The following RND3 variants were observed in gnomAD, a reference collection of about 807,000 sequenced individuals.
The protein encoded by RND3 is rho-related GTP-binding protein RhoE.
In RND3, 8 loss-of-function variants were observed where a neutral mutation model predicts 26.5. The ratio of observed to expected loss-of-function variants is 0.30; its 90% confidence interval spans 0.18 to 0.54. The LOEUF is 0.54. Ranked by LOEUF, RND3 falls within the 20% of genes least tolerant of loss-of-function variation. RND3 has a pLI of 0.94. For synonymous variants in RND3, 113 were observed against 113.0 expected, an observed-to-expected ratio of 1.00 and a Z score of 0.00; for missense variants, 207 against 302.8, an observed-to-expected ratio of 0.68 and a Z score of 2.35.
intron 3 of RND3, among the ~76,000 whole-genome samples, chr2:150,477,754 G>A (rs1016508897): frequency 1.3e-5 from 2 of 152,044 alleles, no homozygotes; most frequent in African/African-American, 2.4e-5. Flanking sequence ...GTTTTTATCC[G>A]GTTAACAGTA....
chr2:150,484,586 C>T (rs544836578), intron 3 of RND3, among the ~76,000 whole-genome samples: 1 of 152,286 alleles, frequency 6.6e-6, no homozygotes, highest in East Asian at 1.9e-4. Context: ...GCTGTGAAAA[C>T]CCCAGCACGG....
At chr2:150,475,005 A>C in intron 3 of RND3, 21 bp from the exon 4 acceptor site, 4 of 1,491,228 alleles carry the variant, frequency 2.7e-6, no homozygotes, top group Non-Finnish European at 2.8e-6. Flanking sequence ...ACAAAGACAC[A>C]CAAATTTTCA....
Position 150,486,122 on chromosome 2 carries a change from G to T in RND3, c.238+572C>A, listed in dbSNP as rs1686355986. Among the ~76,000 whole-genome samples the T allele has an allele frequency of 6.6e-6, 1 of 151,950 alleles. No homozygotes were observed. Among genetic ancestry groups the T allele is most frequent in the Non-Finnish European group, 1.5e-5 (1 of 67,980 alleles). The stretch of plus-strand genomic sequence containing the variant: ...AGCGCGAAGAGGAGGTTCAGCTGCT[G>T]CCCGGCCCCTGCGCCACCAGCGCAT... On this transcript the variant is annotated intron_variant, in intron 3 of 5. Transcript: ENST00000263895. The surrounding 1 kb of genome is among the most constrained non-coding windows in gnomAD (Gnocchi z 4.5).
intron 3 of RND3, among the ~76,000 whole-genome samples, chr2:150,480,686 A>T (rs974121045): frequency 2.0e-5 from 3 of 152,112 alleles, no homozygotes; most frequent in Admixed American, 2.0e-4. Context: ...ACAGATGTAG[A>T]CTTAGAAAGA....
At position 150,471,651 on chromosome 2, in the gene RND3, C is replaced by A. The variant is rs779437802; in HGVS notation, c.459G>T (p.Arg153Ser). The change falls in exon 5 of 6, where the codon AGG becomes AGT. Residue 153 changes from arginine to serine, a missense_variant. Physicochemically the swap from Arg to Ser is moderately radical, Grantham distance 110. Transcript: ENST00000263895. ...CCTGGTCATAGGACACTGGCGTCTG[C>A]CTGTGATTGGAGAGCTCTACTAATG... ...VSTLVELSNH[R>S]QTPVSYDQGA... The A allele has an allele frequency of 1.2e-6, 2 of 1,612,408 alleles. No homozygotes were observed. Among genetic ancestry groups the A allele is most frequent in the South Asian group, 1.1e-5 (1 of 90,520 alleles).
At chr2:150,471,943 A>G (rs1429264563) in intron 4 of RND3, 182 bp from the exon 5 acceptor site, 4 of 573,892 alleles carry the variant, frequency 7.0e-6, no homozygotes, top group Non-Finnish European at 9.2e-6. Flanking sequence ...AAGTTTTACT[A>G]CTTTTTAAGC....
rs939309594 is a variant in RND3, at chr2:150,487,655, C to G, written c.-145G>C. 2.6e-5 allele frequency: 4 copies of G among 154,496 alleles called. No individual in the cohort carries two copies. Among genetic ancestry groups the G allele is most frequent in the African/African-American group, 9.6e-5 (4 of 41,460 alleles). 9.6% of individuals were successfully genotyped at this position (154,496 alleles called of 1,614,324 possible). A position where few individuals can be genotyped will look rare whatever the true frequency, so the allele number is the denominator to read the frequency against. On this transcript the variant is annotated 5_prime_UTR_variant, in exon 1 of 6. Transcript: ENST00000263895. ...CTCACCGCGCCTCCCAAGTCCAATT[C>G]CGAGCCGACTGCTTTGTTTCACGCT...
At chr2:150,485,211 C>G (rs978888028) in intron 3 of RND3, 1 of 152,288 alleles carries the variant, frequency 6.6e-6, no homozygotes, top group African/African-American at 2.4e-5. Flanking sequence ...CAAAATCAGC[C>G]CTTCTCACTG....
intron 3 of RND3, among the ~76,000 whole-genome samples, chr2:150,475,431 G>C (rs1486210152): frequency 1.3e-5 from 2 of 152,194 alleles, no homozygotes; most frequent in African/African-American, 4.8e-5. Context: ...CCCAGGCAGG[G>C]CCTGGCTTTT....
rs1176091268 is a variant in RND3, at chr2:150,469,976, T to C, written c.*11A>G. Reference sequence around the variant, plus strand: ...TAGATTCCTTTGTCTTCATTAAAGATAATGAAAGATTCACATCACAGTGCA... The same window carrying C: ...TAGATTCCTTTGTCTTCATTAAAGACAATGAAAGATTCACATCACAGTGCA... On this transcript the variant is annotated 3_prime_UTR_variant, in exon 6 of 6. Coordinates refer to ENST00000263895, the MANE Select transcript of RND3 (RefSeq NM_005168.5). The C allele has an allele frequency of 2.5e-6, 4 of 1,612,370 alleles. No homozygotes were observed. The highest frequency in any genetic ancestry group is 3.4e-6 in the Non-Finnish European group (4 of 1,178,944).
rs1042317038 is a variant in RND3 at position 150,469,210 on chromosome 2, A to G, written c.*777T>C. On this transcript the variant is annotated 3_prime_UTR_variant, in exon 6 of 6. Transcript: ENST00000263895. The stretch of plus-strand genomic sequence containing the variant: ...GCAAAAAATCACACAACTTCTAAAC[A>G]GCGCACAAAAATATTACATTGAGCA... 5 of 152,636 alleles carry G rather than the reference A, an allele frequency of 3.3e-5. No individual in the cohort carries two copies. Among genetic ancestry groups the G allele is most frequent in the African/African-American group, 1.2e-4 (5 of 41,460 alleles). The allele number at this position is 152,636 out of a possible 1,614,324, so 9.5% of individuals were successfully genotyped here.
chr2:150,477,657 T>C (rs1686190218), intron 3 of RND3, among the ~76,000 whole-genome samples: 1 of 152,184 alleles, frequency 6.6e-6, no homozygotes, highest in African/African-American at 2.4e-5. Context: ...TCTAAATATC[T>C]GCAAAATTTA....
intron 4 of RND3, among the ~76,000 whole-genome samples, chr2:150,472,613 G>A (rs1439225214): frequency 1.3e-5 from 2 of 152,188 alleles, no homozygotes; most frequent in South Asian, 2.1e-4. Flanking sequence ...AGTTCAGGGC[G>A]GTCACAGGAG....
chr2:150,470,870 G>T (rs972149767), intron 5 of RND3, among the ~76,000 whole-genome samples: 3 of 152,126 alleles, frequency 2.0e-5, no homozygotes, highest in African/African-American at 4.8e-5. Flanking sequence ...CAGGGGCAAT[G>T]AATGAAATTT....
chr2:150,485,627 G>C (rs911989088), intron 3 of RND3, among the ~76,000 whole-genome samples: 4 of 152,102 alleles, frequency 2.6e-5, no homozygotes, highest in Non-Finnish European at 5.9e-5. Flanking sequence ...TTCCATAGCC[G>C]ACACCCTTCT....
Position 150,486,658 on chromosome 2 carries a change from C to G in RND3, c.238+36G>C, listed in dbSNP as rs766585294. On this transcript the variant is annotated intron_variant, in intron 3 of 5. Coordinates refer to ENST00000263895, the MANE Select transcript of RND3 (RefSeq NM_005168.5). The surrounding 1 kb of genome is among the most constrained non-coding windows in gnomAD (Gnocchi z 4.5). ...CCGCGCATCCCCCAGCGACTGGAAACCCGCCCCAAGCGCCACGCGGTCCTC... is the reference window on the plus strand; with the variant it reads ...CCGCGCATCCCCCAGCGACTGGAAAGCCGCCCCAAGCGCCACGCGGTCCTC... The G allele has an allele frequency of 1.4e-6, 2 of 1,475,364 alleles. No homozygotes were observed. The highest frequency in any genetic ancestry group is 3.3e-5 in the Admixed American group (2 of 59,848). The allele number at this position is 1,475,364 out of a possible 1,614,324, so 91.4% of individuals were successfully genotyped here. A position where few individuals can be genotyped will look rare whatever the true frequency, so the allele number is the denominator to read the frequency against.
Position 150,470,925 on chromosome 2 carries a change from G to A in RND3, c.484-687C>T, listed in dbSNP as rs140252671. On this transcript the variant is annotated intron_variant, in intron 5 of 5. Coordinates refer to ENST00000263895, the MANE Select transcript of RND3 (RefSeq NM_005168.5). ...ATGTGATTGTGTCTTACTTAGGGCCGAAATGCGTTGAGGAAAGGAATAATA... is the reference window on the plus strand; with the variant it reads ...ATGTGATTGTGTCTTACTTAGGGCCAAAATGCGTTGAGGAAAGGAATAATA... Among the ~76,000 whole-genome samples the A allele has an allele frequency of 3.0e-4, 46 of 152,248 alleles. No homozygotes were observed. The South Asian group carries it at 6.0e-3, about 20-fold the overall frequency.
chr2:150,480,614 A>G (rs915502487), intron 3 of RND3, among the ~76,000 whole-genome samples: 1 of 151,902 alleles, frequency 6.6e-6, no homozygotes, highest in Non-Finnish European at 1.5e-5. Context: ...TGTGCAACTT[A>G]GCAAGAAACC....
chr2:150,487,166 T>C (rs1558873083), intron 2 of RND3, 102 bp downstream of exon 2: 18 of 898,010 alleles, frequency 2.0e-5, no homozygotes, highest in East Asian at 5.8e-5. Flanking sequence ...TTTTCTTTTT[T>C]TTTTTTTTTA....
Sources: gnomAD v4.1 joint callset for allele counts (sites outside exome capture counted in the v4.1 genomes callset) on GRCh38, gnomAD v4.1.1 for gene constraint, Gnocchi (gnomAD v3.1) non-coding constraint, MANE v1.5 for transcripts, NCBI Gene and HGNC (gene_info 2026-07-23, HGNC 2026-07-21) for gene names.